The following PANK3 variants were observed in gnomAD, a reference collection of about 807,000 sequenced individuals.
The protein encoded by PANK3 is pantothenate kinase 3, also known as hPanK3.
Under a neutral mutation model 39.4 loss-of-function variants are expected in PANK3, and 20 were observed. The ratio of observed to expected loss-of-function variants is 0.51; its 90% CI spans 0.36 to 0.74. The LOEUF is 0.74. Ranked by LOEUF, PANK3 falls within the 30% of genes least tolerant of loss-of-function variation. The pLI, the probability that PANK3 is intolerant of heterozygous loss-of-function variation, is 0.00. For missense variants in PANK3, 265 were observed against 437.0 expected (o/e 0.61, Z 3.51); for synonymous variants, 140 against 157.3 (o/e 0.89, Z 0.82).
intron 6 of PANK3, among the ~76,000 whole-genome samples, chr5:168,558,764 G>A (rs904289219): frequency 1.3e-5 from 2 of 152,136 alleles, no homozygotes; most frequent in Non-Finnish European, 2.9e-5. Flanking sequence ...ATTGCTTGAG[G>A]CCAGGAGTTC....
intron 1 of PANK3, among the ~76,000 whole-genome samples, chr5:168,578,090 G>A (rs974765053): frequency 6.6e-6 from 1 of 152,182 alleles, no homozygotes; most frequent in African/African-American, 2.4e-5. Flanking sequence ...AATGCTCTAT[G>A]GGTGCAAGAG....
At chr5:168,577,884 T>C (rs1056601853) in intron 1 of PANK3, among the ~76,000 whole-genome samples, 11 of 152,216 alleles carry the variant, frequency 7.2e-5, no homozygotes, top group Non-Finnish European at 1.2e-4. Flanking sequence ...GTGTTCTAAT[T>C]ACTGCACCTG....
At chr5:168,579,202 A>G in intron 1 of PANK3, 54 bp downstream of exon 1, 1 of 1,449,840 alleles carries the variant, frequency 6.9e-7, no homozygotes, top group Non-Finnish European at 9.1e-7. Context: ...AGGGGCTTTC[A>G]GACGGGGCCC....
In PANK3 at chr5:168,568,904, T is replaced by A. The variant is rs371166761; in HGVS notation, c.123A>T (p.Glu41Asp). Residue 41 changes from glutamate to aspartate, a missense_variant, in exon 2 of 7, where the codon GAA becomes GAT. Physicochemically the swap from Glu to Asp is conservative, Grantham distance 45. Coordinates refer to ENST00000239231, the MANE Select transcript of PANK3 (RefSeq NM_024594.4). ...IDITAEEEQE[E>D]VESLKSIRKY... ...TCCGAATACTTTTTAAACTCTCAAC[T>A]TCTTCTTGCTCTTCCTCTGCTGTGA... 1 of 1,612,960 alleles carries A rather than the reference T, an allele frequency of 6.2e-7. No homozygotes were observed. The highest frequency in any genetic ancestry group is 8.5e-7 in the Non-Finnish European group (1 of 1,179,718).
intron 6 of PANK3, among the ~76,000 whole-genome samples, chr5:168,558,536 C>T (rs1021818406): frequency 6.6e-6 from 1 of 152,196 alleles, no homozygotes; most frequent in Non-Finnish European, 1.5e-5. Context: ...AGCCATTTGA[C>T]TTTGATCACA....
chr5:168,566,254 G>A lies in PANK3; in HGVS notation c.394C>T (p.His132Tyr). ...EKDFRTIGNL[H>Y]LHKLDELDCL... is the part of the protein sequence containing the mutation. ...TCAAGTTCATCCAGTTTGTGCAGGTGGAGGTTTCCAATCTGTTAAAACAAA... is the reference window on the plus strand; with the variant it reads ...TCAAGTTCATCCAGTTTGTGCAGGTAGAGGTTTCCAATCTGTTAAAACAAA... The change falls in exon 3 of 7, where the codon CAC (histidine) becomes TAC (tyrosine). Residue 132 changes from histidine to tyrosine, a missense_variant. His to Tyr is a moderately conservative substitution (Grantham distance 83, BLOSUM62 2). Coordinates refer to ENST00000239231, the MANE Select transcript of PANK3 (RefSeq NM_024594.4). 6.3e-7 allele frequency: 1 copy of A among 1,595,756 alleles called. No individual in the cohort carries two copies.
At chr5:168,558,444 A>G (rs942431826) in intron 6 of PANK3, among the ~76,000 whole-genome samples, 7 of 152,254 alleles carry the variant, frequency 4.6e-5, no homozygotes, top group East Asian at 1.9e-4. Context: ...GATTACAGGC[A>G]TGAGCCACCG....
At chr5:168,561,661 C>CA (rs1414870546) in intron 4 of PANK3, 145 bp from the exon 5 acceptor site, 34 of 584,252 alleles carry the variant, frequency 5.8e-5, no homozygotes, top group Admixed American at 1.7e-4. Context: ...AACAAACTAA[C>CA]AAAAAAAATC....
chr5:168,560,360 CT>C (rs1759427807), intron 5 of PANK3, among the ~76,000 whole-genome samples: 1 of 152,194 alleles, frequency 6.6e-6, no homozygotes, highest in Admixed American at 6.5e-5. Context: ...CTTCAAACCT[CT>C]GCCTAAGAAT....
At chr5:168,563,013 G>A (rs965807990) in intron 4 of PANK3, among the ~76,000 whole-genome samples, 34 of 150,898 alleles carry the variant, frequency 2.3e-4, no homozygotes, top group Non-Finnish European at 4.7e-4. Flanking sequence ...AGGGCCTTCT[G>A]GAAAAAAAAA....
In PANK3 at chr5:168,557,215, T is replaced by C. The variant is rs10061365; in HGVS notation, c.*356A>G. 1,972 of 186,608 alleles carry C rather than the reference T, an allele frequency of 0.011. 45 individuals are homozygous for C. Among genetic ancestry groups the C allele is most frequent in the African/African-American group, 0.044 (1,874 of 42,550 alleles). The allele number at this position is 186,608 out of a possible 1,614,324, so 11.6% of individuals were successfully genotyped here. On this transcript the variant is annotated 3_prime_UTR_variant, in exon 7 of 7. Transcript: ENST00000239231. ...ACACATAAAACAGACTTGTAACAAA[T>C]ATTCAGAGTCGATTATTTTCATAAG...
chr5:168,563,774 TA>T, intron 4 of PANK3, 114 bp downstream of exon 4: 3 of 881,994 alleles, frequency 3.4e-6, no homozygotes, highest in Non-Finnish European at 4.8e-6. Context: ...ACTTGGAACC[TA>T]AACTGGATAA....
intron 1 of PANK3, among the ~76,000 whole-genome samples, chr5:168,570,638 C>T (rs1759614347): frequency 6.6e-6 from 1 of 152,104 alleles, no homozygotes; most frequent in South Asian, 2.1e-4. Context: ...AAAACCCCAT[C>T]CAAAGGTGAA....
chr5:168,559,176 G>GA lies in PANK3; in HGVS notation c.937-20dup, dbSNP rs1211878759. ...TTATTTTCTAAAAGAAAAGAACAAAGAAAAAACTTGTAAAAATAATAGATT... is the reference window on the plus strand; with the variant it reads ...TTATTTTCTAAAAGAAAAGAACAAAGAAAAAAACTTGTAAAAATAATAGATT... On this transcript the variant is annotated intron_variant, in intron 5 of 6. Coordinates refer to ENST00000239231, the MANE Select transcript of PANK3 (RefSeq NM_024594.4). 8 of 1,414,612 alleles carry GA rather than the reference G, an allele frequency of 5.7e-6. No homozygotes were observed. The highest frequency in any genetic ancestry group is 7.7e-6 in the Non-Finnish European group (8 of 1,042,156). 87.6% of individuals were successfully genotyped at this position (1,414,612 alleles called of 1,614,324 possible). A position where few individuals can be genotyped will look rare whatever the true frequency, so the allele number is the denominator to read the frequency against.
chr5:168,575,469 C>T (rs1178335638), intron 1 of PANK3, among the ~76,000 whole-genome samples: 1 of 152,100 alleles, frequency 6.6e-6, no homozygotes, highest in Non-Finnish European at 1.5e-5. Context: ...ACTAACATAA[C>T]TATTTAATTG....
intron 3 of PANK3, among the ~76,000 whole-genome samples, chr5:168,564,279 G>A (rs778403203): frequency 1.3e-5 from 2 of 152,142 alleles, no homozygotes; most frequent in Middle Eastern, 3.4e-3. Flanking sequence ...AAAATCACTT[G>A]GTGGAAACAT....
At chr5:168,568,163 T>TA (rs1759565290) in intron 2 of PANK3, among the ~76,000 whole-genome samples, 1 of 151,854 alleles carries the variant, frequency 6.6e-6, no homozygotes, top group Non-Finnish European at 1.5e-5. Flanking sequence ...ATTAACAGCA[T>TA]AAAAACAGAA....
intron 1 of PANK3, 32 bp from the exon 2 acceptor site, chr5:168,569,030 AATATATAT>A: frequency 9.0e-6 from 1 of 111,274 alleles, no homozygotes. Flanking sequence ...AAAAAAAAAA[AATATATAT>A]ATATATATAT....
chr5:168,565,885 A>AT lies in PANK3; in HGVS notation c.635+127dup, dbSNP rs57664567. 878 of 194,162 alleles carry AT rather than the reference A, an allele frequency of 4.5e-3. 5 individuals carry two copies. Among genetic ancestry groups the AT allele is most frequent in the Middle Eastern group, 0.02 (8 of 410 alleles). 12.0% of individuals were successfully genotyped at this position (194,162 alleles called of 1,614,324 possible). On this transcript the variant is annotated intron_variant, in intron 3 of 6. Coordinates refer to ENST00000239231, the MANE Select transcript of PANK3 (RefSeq NM_024594.4). Reference sequence around the variant, plus strand: ...AAAAAAAAAATATATATATATATATATTTTTTTTTTTTGCTGTTGTGCAAA... The same window carrying AT: ...AAAAAAAAAATATATATATATATATATTTTTTTTTTTTTGCTGTTGTGCAAA...
Sources: gnomAD v4.1 joint callset for allele counts (sites outside exome capture counted in the v4.1 genomes callset) on GRCh38, gnomAD v4.1.1 for gene constraint, MANE v1.5 for transcripts, NCBI Gene and HGNC (gene_info 2026-07-23, HGNC 2026-07-21) for gene names.